The following TFPI variants were observed in gnomAD, a reference collection of about 807,000 sequenced individuals.
TFPI encodes tissue factor pathway inhibitor.
A neutral mutation model predicts 34.6 loss-of-function variants in TFPI; 15 were observed. The ratio of observed to expected loss-of-function variants is 0.43; its 90% CI spans 0.29 to 0.67. TFPI has a LOEUF of 0.67. TFPI is among the 30% of genes least tolerant of loss of function. The pLI is 0.15. For synonymous variants in TFPI, 105 were observed against 120.1 expected, an observed-to-expected ratio of 0.87 and a Z score of 0.82; for missense variants, 301 against 364.0, an observed-to-expected ratio of 0.83 and a Z score of 1.41.
chr2:187,502,220 T>A (rs957391360), intron 2 of TFPI, among the ~76,000 whole-genome samples: 1 of 152,190 alleles, frequency 6.6e-6, no homozygotes, highest in Admixed American at 6.5e-5. Flanking sequence ...TCTGGCTTAA[T>A]TACTGATAAC....
intron 6 of TFPI, among the ~76,000 whole-genome samples, chr2:187,474,671 T>C (rs933445865): frequency 6.6e-6 from 1 of 152,114 alleles, no homozygotes; most frequent in Non-Finnish European, 1.5e-5. Context: ...AAGCACCAGA[T>C]TGAATTTGGG....
chr2:187,499,744 T>C (rs1685727353), intron 2 of TFPI: 1 of 152,138 alleles, frequency 6.6e-6, no homozygotes. Context: ...AAAAATATTC[T>C]GGCATTTTTA....
intron 6 of TFPI, among the ~76,000 whole-genome samples, chr2:187,476,863 T>C (rs996489519): frequency 6.6e-6 from 1 of 152,156 alleles, no homozygotes; most frequent in Admixed American, 6.6e-5. Flanking sequence ...TTAGTATTAT[T>C]TATTAGTTTG....
chr2:187,503,938 ATGTAGTATTCAGAAT>A (rs1305410429), intron 1 of TFPI, among the ~76,000 whole-genome samples, 168 bp from the exon 2 acceptor site: 1 of 152,158 alleles, frequency 6.6e-6, no homozygotes, highest in Non-Finnish European at 1.5e-5. Flanking sequence ...TAAAATGTAT[ATGTAGTATTCAGAAT>A]TATGGGCAAA....
intron 6 of TFPI, among the ~76,000 whole-genome samples, chr2:187,481,791 G>A (rs1167735638): frequency 6.6e-6 from 1 of 151,906 alleles, no homozygotes; most frequent in African/African-American, 2.4e-5. Context: ...ACAAATAAAG[G>A]AGACATTTGC....
chr2:187,486,178 G>A (rs1369081855), intron 4 of TFPI, among the ~76,000 whole-genome samples: 2 of 151,494 alleles, frequency 1.3e-5, no homozygotes, highest in African/African-American at 4.8e-5. Context: ...TCAAATGAAT[G>A]TTTTTATGAT....
In TFPI at chr2:187,498,978, G is replaced by A. The variant is rs144507538; in HGVS notation, c.122-1900C>T. Among the ~76,000 whole-genome samples the A allele has an allele frequency of 4.5e-4, 68 of 152,000 alleles. 3 individuals are homozygous for A. In the East Asian group the frequency reaches 0.013, roughly 29 times the overall value. ...TCAATTGACAAAATATAATGTTTGT[G>A]TTTACCAACATGATTTTTAAAATAA... On this transcript the variant is annotated intron_variant, in intron 2 of 7. Coordinates refer to ENST00000233156, the MANE Select transcript of TFPI (RefSeq NM_006287.6).
At chr2:187,469,761 C>A (rs567826096) in intron 6 of TFPI, among the ~76,000 whole-genome samples, 4 of 152,080 alleles carry the variant, frequency 2.6e-5, no homozygotes, top group African/African-American at 9.7e-5. Flanking sequence ...CATCATAAAT[C>A]AAAGTTGAAT....
At chr2:187,478,632 C>A in intron 6 of TFPI, 1 of 1,598,186 alleles carries the variant, frequency 6.3e-7, no homozygotes, top group Non-Finnish European at 8.5e-7. Flanking sequence ...TCAAAGGCAT[C>A]ACGTATACAT....
intron 1 of TFPI, among the ~76,000 whole-genome samples, chr2:187,533,254 C>G (rs1461111468): frequency 6.6e-6 from 1 of 152,116 alleles, no homozygotes; most frequent in Non-Finnish European, 1.5e-5. Flanking sequence ...TCCTGACCCC[C>G]GTGCCTCCTG....
At chr2:187,484,364 TA>T in intron 5 of TFPI, 148 bp from the exon 6 acceptor site, 1 of 631,350 alleles carries the variant, frequency 1.6e-6, no homozygotes, top group South Asian at 2.2e-5. Context: ...AATCTTTAAA[TA>T]TAATTGTAAG....
chr2:187,503,836 T>C, intron 1 of TFPI, 66 bp from the exon 2 acceptor site: 1 of 1,560,578 alleles, frequency 6.4e-7, no homozygotes, highest in Non-Finnish European at 8.7e-7. Context: ...TACAGACTAG[T>C]AAACATCATA....
At chr2:187,541,771 C>G (rs1021534919) in intron 1 of TFPI, among the ~76,000 whole-genome samples, 1 of 152,090 alleles carries the variant, frequency 6.6e-6, no homozygotes, top group African/African-American at 2.4e-5. Context: ...TAGAAGTGAA[C>G]TCTGAACAAC....
At chr2:187,534,851 CAAAGT>C (rs1239789303) in intron 1 of TFPI, among the ~76,000 whole-genome samples, 3 of 141,256 alleles carry the variant, frequency 2.1e-5, no homozygotes, top group Non-Finnish European at 1.5e-5. Flanking sequence ...CACATTGACT[CAAAGT>C]AAAGGGATAG....
chr2:187,501,017 G>T (rs558958433), intron 2 of TFPI, among the ~76,000 whole-genome samples: 12 of 152,244 alleles, frequency 7.9e-5, no homozygotes, highest in Admixed American at 6.5e-4. Context: ...AGAAAGTCCT[G>T]GGTGCTGTGC....
chr2:187,479,563 A>ATATATATATATATATATATG, intron 6 of TFPI, among the ~76,000 whole-genome samples: 1 of 134,274 alleles, frequency 7.4e-6, no homozygotes, highest in African/African-American at 2.9e-5. Context: ...ATATATATAT[A>ATATATATATATATATATATG]TATATATATA....
chr2:187,499,978 C>A (rs1685744527), intron 2 of TFPI, among the ~76,000 whole-genome samples: 2 of 152,094 alleles, frequency 1.3e-5, no homozygotes, highest in South Asian at 2.1e-4. Context: ...TTTCATAAAT[C>A]AATAATTTTA....
chr2:187,478,837 G>A, intron 6 of TFPI: 1 of 1,565,266 alleles, frequency 6.4e-7, no homozygotes. Flanking sequence ...TAAAAAATGT[G>A]AGTCATCTTT....
intron 1 of TFPI, among the ~76,000 whole-genome samples, chr2:187,523,979 A>G (rs1687551472): frequency 6.6e-6 from 1 of 152,096 alleles, no homozygotes. Flanking sequence ...CCAATACTGA[A>G]AGCTTTAGTT....
Sources: allele counts gnomAD v4.1 joint callset (sites outside exome capture counted in the v4.1 genomes callset), GRCh38; gene constraint gnomAD v4.1.1; transcripts MANE v1.5; gene names NCBI Gene and HGNC (gene_info 2026-07-23, HGNC 2026-07-21).